Variants in ALDH1L1 observed in about 807,000 individuals in gnomAD.
The protein encoded by ALDH1L1 is cytosolic 10-formyltetrahydrofolate dehydrogenase.
Under a neutral mutation model 101.1 loss-of-function variants are expected in ALDH1L1, and 68 were observed. The observed-to-expected ratio is 0.67, with a 90% confidence interval of 0.55 to 0.82. The LOEUF (loss-of-function observed/expected upper bound fraction) is 0.82. Ranked by LOEUF, ALDH1L1 falls within the 40% of genes least tolerant of loss-of-function variation. ALDH1L1 has a pLI of 0.00. For synonymous variants in ALDH1L1, 486 were observed against 470.8 expected, an observed-to-expected ratio of 1.03 and a Z score of -0.42; for missense variants, 1,087 against 1,172.7, an observed-to-expected ratio of 0.93 and a Z score of 1.07.
intron 20 of ALDH1L1, among the ~76,000 whole-genome samples, chr3:126,108,910 A>G (rs999795043): frequency 6.6e-6 from 1 of 152,150 alleles, no homozygotes; most frequent in Non-Finnish European, 1.5e-5. Flanking sequence ...GCAAGGTCTT[A>G]ACAGAGGAGA....
rs1216686971 is a variant in ALDH1L1, at chr3:126,113,052, G to T, written c.2083-172C>A. On this transcript the variant is annotated intron_variant, in intron 18 of 22. Transcript: ENST00000393434. Reference sequence around the variant, plus strand: ...GTCACCTCAAGAGGAGAGGTGAGAGGTAACTGTGTGGGAAGTGAAGACGCT... The same window carrying T: ...GTCACCTCAAGAGGAGAGGTGAGAGTTAACTGTGTGGGAAGTGAAGACGCT... 2.6e-5 allele frequency among the ~76,000 whole-genome samples: 4 copies of T among 152,170 alleles called. No individual in the cohort carries two copies. In the East Asian group the frequency reaches 7.7e-4, roughly 29 times the overall value.
intron 20 of ALDH1L1, 93 bp from the exon 21 acceptor site, chr3:126,107,339 CT>C (rs536546836): frequency 1.1e-5 from 11 of 1,002,122 alleles, no homozygotes; most frequent in Non-Finnish European, 1.7e-5. Context: ...CACCAGCCAC[CT>C]GCGGATGACC....
intron 22 of ALDH1L1, chr3:126,104,300 C>T: frequency 5.7e-6 from 1 of 174,420 alleles, no homozygotes; most frequent in Non-Finnish European, 1.2e-5. Context: ...TGCATCTCAG[C>T]CCCATGACAA....
intron 19 of ALDH1L1, 134 bp downstream of exon 19, chr3:126,112,648 C>T (rs1413063256): frequency 5.1e-6 from 4 of 777,960 alleles, no homozygotes; most frequent in East Asian, 5.0e-5. Context: ...GTTCCCTGAC[C>T]CCCGGGGGGA....
At chr3:126,197,100 G>T (rs573556221) in intron 1 of ALDH1L1, among the ~76,000 whole-genome samples, 3 of 152,250 alleles carry the variant, frequency 2.0e-5, no homozygotes, top group Admixed American at 1.3e-4. Flanking sequence ...ACCTAATCCA[G>T]TTTTTGTTTG....
At chr3:126,130,372 G>T (rs1255164737) in intron 13 of ALDH1L1, 79 bp from the exon 14 acceptor site, 13 of 1,332,796 alleles carry the variant, frequency 9.8e-6, no homozygotes, top group Non-Finnish European at 1.3e-5. Flanking sequence ...TCTCCACCAG[G>T]GTCTCCAGGA....
At chr3:126,191,615 C>T (rs1005522012) in intron 1 of ALDH1L1, among the ~76,000 whole-genome samples, 1 of 152,200 alleles carries the variant, frequency 6.6e-6, no homozygotes, top group African/African-American at 2.4e-5. Context: ...AAGCTTGGAA[C>T]CCAGGATCTG....
At chr3:126,111,557 G>A (rs1158690396) in intron 19 of ALDH1L1, among the ~76,000 whole-genome samples, 2 of 152,218 alleles carry the variant, frequency 1.3e-5, no homozygotes, top group Admixed American at 6.5e-5. Context: ...CAGCCACTCC[G>A]TGTTGAGGGT....
At position 126,103,803 on chromosome 3, in the gene ALDH1L1, G is replaced by A; in HGVS notation, c.2697C>T (p.Thr899=). The change falls in exon 23 of 23, where the codon ACC becomes ACT. Residue 899 remains threonine (T), a synonymous_variant. Transcript: ENST00000393434. ...LNEYLRVKTV[T]FEY ...CAAAGACCTTTCTTCAGTATTCGAA[G>A]GTCACTGTCTTGACCCGCAGGTACT... 3 of 1,613,672 alleles carry A rather than the reference G, an allele frequency of 1.9e-6. No individual in the cohort carries two copies. Among genetic ancestry groups the A allele is most frequent in the Non-Finnish European group, 2.5e-6 (3 of 1,179,842 alleles).
intron 9 of ALDH1L1, among the ~76,000 whole-genome samples, chr3:126,141,038 T>C (rs1284527410): frequency 6.6e-6 from 1 of 151,982 alleles, no homozygotes; most frequent in East Asian, 1.9e-4. Flanking sequence ...CATCCATACA[T>C]ATGCTACAAG....
In ALDH1L1 at chr3:126,135,545, G is replaced by A. The variant is rs1483807097; in HGVS notation, c.1462C>T (p.Leu488=). The A allele has an allele frequency of 1.2e-6, 2 of 1,607,654 alleles. No individual in the cohort carries two copies. The highest frequency in any genetic ancestry group is 1.7e-6 in the Non-Finnish European group (2 of 1,178,014). The change falls in exon 12 of 23, where the codon CTG becomes TTG. Residue 488 remains leucine, a synonymous_variant. Coordinates refer to ENST00000393434, the MANE Select transcript of ALDH1L1 (RefSeq NM_012190.4). ...ATGTTGGGCTCCCACCTGTACATCA[G>A]CCGGCCCCGGTCCCGCGCACTGATC... ...GKISARDRGR[L]MYRLADLMEQ...
intron 22 of ALDH1L1, 51 bp downstream of exon 22, chr3:126,105,675 T>C: frequency 6.2e-7 from 1 of 1,603,008 alleles, no homozygotes; most frequent in Non-Finnish European, 8.5e-7. Context: ...TTTGAACAGA[T>C]GTTTGTTGAA....
At chr3:126,193,564 T>C (rs1003391160) in intron 1 of ALDH1L1, among the ~76,000 whole-genome samples, 1 of 152,208 alleles carries the variant, frequency 6.6e-6, no homozygotes, top group African/African-American at 2.4e-5. Flanking sequence ...AGCATGTCAT[T>C]CAAAGCTTAC....
chr3:126,119,166 T>C (rs1386509936), intron 16 of ALDH1L1, among the ~76,000 whole-genome samples: 1 of 152,150 alleles, frequency 6.6e-6, no homozygotes, highest in East Asian at 1.9e-4. Flanking sequence ...CAGCTTACAT[T>C]GCGTGCTCAG....
In ALDH1L1 at chr3:126,188,311, T is replaced by C. The variant is rs144864811; in HGVS notation, c.-24+9424A>G. 2.2e-3 allele frequency among the ~76,000 whole-genome samples: 331 copies of C among 152,330 alleles called. 5 individuals carry two copies. Among genetic ancestry groups the C allele is most frequent in the East Asian group, 0.011 (59 of 5,190 alleles). On this transcript the variant is annotated intron_variant, in intron 1 of 2. Coordinates refer to the ALDH1L1 transcript ENST00000509952. ...GCATTTGTGGAATGTGAAACCTGTG[T>C]ATGCAAAGGGCCAACTTTTCGTATT...
At chr3:126,133,160 C>G (rs2080350061) in intron 12 of ALDH1L1, among the ~76,000 whole-genome samples, 1 of 152,234 alleles carries the variant, frequency 6.6e-6, no homozygotes, top group African/African-American at 2.4e-5. Flanking sequence ...GTAGCCCAAA[C>G]AGGTACGTTT....
At chr3:126,139,321 C>T (rs6779374) in intron 9 of ALDH1L1, among the ~76,000 whole-genome samples, 34,146 of 152,110 alleles carry the variant, frequency 0.22, 4,688 homozygotes, top group African/African-American at 0.39. Flanking sequence ...GAAAGTTCAA[C>T]GACAACACAC....
At chr3:126,171,987 A>G (rs7639712) in intron 1 of ALDH1L1, among the ~76,000 whole-genome samples, 22,278 of 152,164 alleles carry the variant, frequency 0.15, 1,797 homozygotes, top group African/African-American at 0.22. Context: ...AGGAGTTTCT[A>G]CAAAAACCCA....
chr3:126,187,262 G>A (rs1427743206), intron 1 of ALDH1L1, among the ~76,000 whole-genome samples: 1 of 152,138 alleles, frequency 6.6e-6, no homozygotes, highest in Non-Finnish European at 1.5e-5. Flanking sequence ...CCTAAAAACG[G>A]GGGGAAGGGA....
Sources: gnomAD v4.1 joint callset for allele counts (sites outside exome capture counted in the v4.1 genomes callset) on GRCh38, gnomAD v4.1.1 for gene constraint, MANE v1.5 for transcripts, NCBI Gene and HGNC (gene_info 2026-07-23, HGNC 2026-07-21) for gene names.